The following LSP1 variants were observed in gnomAD, a reference collection of about 807,000 sequenced individuals.
LSP1 encodes the protein lymphocyte specific protein 1.
Under a neutral mutation model 49.3 loss-of-function variants are expected in LSP1, and 32 were observed. The observed-to-expected ratio is 0.65, with a 90% CI of 0.49 to 0.87. LSP1 has a LOEUF of 0.87. Ranked by LOEUF, LSP1 falls within the 40% of genes least tolerant of loss-of-function variation. The pLI is 0.00. For synonymous variants in LSP1, 179 were observed against 178.8 expected, an observed-to-expected ratio of 1.00 and a Z score of -0.01; for missense variants, 428 against 442.6, an observed-to-expected ratio of 0.97 and a Z score of 0.30.
At chr11:1,862,200 A>T (rs540040143) in intron 1 of LSP1, among the ~76,000 whole-genome samples, 7 of 152,252 alleles carry the variant, frequency 4.6e-5, no homozygotes, top group Non-Finnish European at 1.0e-4. Flanking sequence ...GAGTAGATGG[A>T]TGGATGAGTG....
intron 1 of LSP1, among the ~76,000 whole-genome samples, chr11:1,861,177 C>T (rs1190323755): frequency 6.6e-6 from 1 of 152,186 alleles, no homozygotes; most frequent in African/African-American, 2.4e-5. Flanking sequence ...TTCCATGAGG[C>T]TTTCATATAT....
At chr11:1,876,835 A>G (rs1333799303) in intron 1 of LSP1, among the ~76,000 whole-genome samples, 2 of 152,038 alleles carry the variant, frequency 1.3e-5, no homozygotes, top group Admixed American at 1.3e-4. Flanking sequence ...ACTCCGAACG[A>G]GGCATCCGTC....
At chr11:1,870,222 G>A (rs1176882133) in intron 1 of LSP1, 7 of 1,248,868 alleles carry the variant, frequency 5.6e-6, no homozygotes, top group South Asian at 3.8e-5. Context: ...AGTCTCCCAC[G>A]GCCCACTGAA....
chr11:1,874,103 G>GGGA (rs1409508073), intron 1 of LSP1, among the ~76,000 whole-genome samples: 1 of 34,086 alleles, frequency 2.9e-5, no homozygotes, highest in African/African-American at 8.5e-5. Flanking sequence ...AGGGAGGCCG[G>GGGA]CAGAGGAGGG....
At chr11:1,873,735 G>A (rs1221831422) in intron 1 of LSP1, among the ~76,000 whole-genome samples, 4 of 152,092 alleles carry the variant, frequency 2.6e-5, no homozygotes, top group Admixed American at 6.5e-5. Context: ...GAAAAAGCTG[G>A]AACCAAGTCT....
chr11:1,865,886 C>T (rs1215684795), intron 1 of LSP1, among the ~76,000 whole-genome samples: 3 of 152,016 alleles, frequency 2.0e-5, no homozygotes, highest in Admixed American at 6.6e-5. Context: ...GCTGCAGCCA[C>T]CAACCCTGAG....
At chr11:1,865,232 T>G in intron 1 of LSP1, 1 of 985,374 alleles carries the variant, frequency 1.0e-6, no homozygotes, top group Non-Finnish European at 1.2e-6. Context: ...GAGGAGGAAC[T>G]CTAGCAGACA....
rs1433149246 is a variant in LSP1, at chr11:1,884,417, G to A, written c.636-83G>A. 4.4e-6 allele frequency: 7 copies of A among 1,606,230 alleles called. No homozygotes were observed. Among genetic ancestry groups the A allele is most frequent in the Middle Eastern group, 1.7e-4 (1 of 6,052 alleles). Reference sequence around the variant, plus strand: ...GTCACAAGGTAGAGATCTGGAGACCGAGGGGGGCTCTGGGAGAGGCTTGGG... The same window carrying A: ...GTCACAAGGTAGAGATCTGGAGACCAAGGGGGGCTCTGGGAGAGGCTTGGG... On this transcript the variant is annotated intron_variant, in intron 6 of 10. Transcript: ENST00000311604. The surrounding 1 kb of genome is among the most constrained non-coding windows in gnomAD (Gnocchi z 4.1).
In LSP1 at chr11:1,890,800, G is replaced by C; in HGVS notation, c.*14-973G>C. ...GTGGCCCCACCATCACCCTAGTGTAGAAATGAGGCCACAGAGGCCGAGTCC... is the reference window on the plus strand; with the variant it reads ...GTGGCCCCACCATCACCCTAGTGTACAAATGAGGCCACAGAGGCCGAGTCC... On this transcript the variant is annotated intron_variant, in intron 10 of 10. Transcript: ENST00000311604. The C allele has an allele frequency of 1.9e-5, 11 of 586,502 alleles. No individual in the cohort carries two copies. The South Asian group carries it at 2.3e-4, about 12-fold the overall frequency. 36.3% of individuals were successfully genotyped at this position (586,502 alleles called of 1,614,324 possible).
chr11:1,853,168 G>A lies in LSP1; in HGVS notation c.24G>A (p.Pro8=), dbSNP rs377303273. The part of the protein sequence containing the change: MAEASSD[P]GAEEREELLG... The stretch of plus-strand genomic sequence containing the variant: ...TGATGGCGGAGGCTTCGAGTGACCC[G>A]GGTGCCGAGGAGCGGGAAGAGTTGC... Residue 8 remains proline (P), a synonymous_variant, in exon 1 of 11, where the codon CCG becomes CCA. Coordinates refer to ENST00000311604, the MANE Select transcript of LSP1 (RefSeq NM_002339.3). 4.5e-5 allele frequency: 72 copies of A among 1,611,524 alleles called. No individual in the cohort carries two copies. The African/African-American group carries it at 9.2e-4, about 21-fold the overall frequency.
At chr11:1,881,837 G>C (rs1440276521) in intron 3 of LSP1, among the ~76,000 whole-genome samples, 4 of 152,120 alleles carry the variant, frequency 2.6e-5, no homozygotes, top group Non-Finnish European at 1.5e-5. Context: ...AGGAGGGGAG[G>C]GAGGAAGAGG....
rs546086510 is a variant in LSP1, at chr11:1,866,923, G to A, written c.54-13164G>A. ...AACTGCAGCCCCAGGTGAGCAAGCC[G>A]CACTCAGGAGGCACTGAAACCGTGT... On this transcript the variant is annotated intron_variant, in intron 1 of 10. Coordinates refer to ENST00000311604, the MANE Select transcript of LSP1 (RefSeq NM_002339.3). The A allele has an allele frequency of 1.0e-4, 156 of 1,495,236 alleles. No individual in the cohort carries two copies. In the African/African-American group the frequency reaches 1.3e-3, roughly 13 times the overall value. The allele number at this position is 1,495,236 out of a possible 1,614,324, so 92.6% of individuals were successfully genotyped here.
chr11:1,859,340 G>C (rs1180444777), intron 1 of LSP1: 1 of 152,282 alleles, frequency 6.6e-6, no homozygotes, highest in Admixed American at 6.5e-5. Context: ...GAGGATTCAA[G>C]GTTATGCAGG....
chr11:1,886,168 A>G (rs767911054), intron 7 of LSP1, among the ~76,000 whole-genome samples: 5 of 151,880 alleles, frequency 3.3e-5, no homozygotes, highest in Non-Finnish European at 7.4e-5. Context: ...CATCCAACCA[A>G]TACTCCTTTA....
intron 1 of LSP1, among the ~76,000 whole-genome samples, chr11:1,859,859 CACAG>C: frequency 6.6e-6 from 1 of 152,290 alleles, no homozygotes; most frequent in South Asian, 2.1e-4. Context: ...CTCTTTAAAT[CACAG>C]ACATTTATCC....
In LSP1 at chr11:1,881,584, A is replaced by G. The variant is rs1206383331; in HGVS notation, c.344A>G (p.Glu115Gly). The change falls in exon 3 of 11, where the codon GAG (glutamate) becomes GGG (glycine). Residue 115 changes from glutamate (E) to glycine (G), a missense_variant. Physicochemically the swap from Glu to Gly is moderately conservative, Grantham distance 98. Transcript: ENST00000311604. ...CCCCAGTGCAGGAGTCCTGAGGGGG[A>G]GCAAGAGGACAGGTGAGTGAGGGCC... ...EPPQCRSPEG[E>G]QEDRPGLHAY... is the part of the protein sequence containing the mutation. 2 of 1,463,576 alleles carry G rather than the reference A, an allele frequency of 1.4e-6. No homozygotes were observed. Among genetic ancestry groups the G allele is most frequent in the Non-Finnish European group, 1.8e-6 (2 of 1,098,902 alleles). The allele number at this position is 1,463,576 out of a possible 1,614,324, so 90.7% of individuals were successfully genotyped here.
chr11:1,869,884 A>C (rs988447458), intron 1 of LSP1, among the ~76,000 whole-genome samples: 6 of 151,948 alleles, frequency 3.9e-5, no homozygotes, highest in Non-Finnish European at 5.9e-5. Flanking sequence ...CTCCACTCAC[A>C]TTCAGGAGCA....
intron 2 of LSP1, among the ~76,000 whole-genome samples, chr11:1,880,490 G>A (rs1437707535): frequency 3.9e-5 from 6 of 152,066 alleles, no homozygotes; most frequent in South Asian, 2.1e-4. Flanking sequence ...TGCTCGGACC[G>A]CCTCTGACCC....
chr11:1,860,059 T>A (rs747618653), intron 1 of LSP1, among the ~76,000 whole-genome samples: 6 of 152,190 alleles, frequency 3.9e-5, no homozygotes, highest in Non-Finnish European at 8.8e-5. Flanking sequence ...AGCCCCTGCT[T>A]AGGCTCTATT....
Sources: allele counts gnomAD v4.1 joint callset (sites outside exome capture counted in the v4.1 genomes callset), GRCh38; gene constraint gnomAD v4.1.1; non-coding constraint Gnocchi (gnomAD v3.1); transcripts MANE v1.5; gene names NCBI Gene and HGNC (gene_info 2026-07-23, HGNC 2026-07-21).